Variants in TTC28 observed in about 807,000 individuals in gnomAD.
TTC28 encodes the protein tetratricopeptide repeat domain 28, also known as tetratricopeptide repeat protein 28.
TTC28 carries 61 observed loss-of-function variants against 198.0 expected under a neutral mutation model. The observed-to-expected ratio is 0.31, with a 90% CI of 0.25 to 0.38. The LOEUF is 0.38. Among genes scored for constraint, TTC28 ranks in the 10% least tolerant of loss-of-function variants. TTC28 has a pLI of 1.00. For synonymous variants in TTC28, 1,171 were observed against 1,297.8 expected (o/e 0.90, Z 2.10); for missense variants, 2,678 against 3,164.0 (o/e 0.85, Z 3.69).
rs560055821 is a variant in TTC28 at position 28,672,255 on chromosome 22, G to A, written c.102+7367C>T. Among the ~76,000 whole-genome samples the A allele has an allele frequency of 2.6e-3, 390 of 152,030 alleles. 5 individuals are homozygous for A. Among genetic ancestry groups the A allele is most frequent in the Non-Finnish European group, 1.6e-3 (109 of 67,990 alleles). ...GCCATCTCGGCTCACTGCAAGCTCC[G>A]CCTCCCGGGTTCAAGCAGTTCTCTG... On this transcript the variant is annotated intron_variant, in intron 1 of 22. Transcript: ENST00000397906.
intron 12 of TTC28, among the ~76,000 whole-genome samples, chr22:28,083,519 C>T (rs1311075505): frequency 2.0e-5 from 3 of 152,270 alleles, no homozygotes; most frequent in South Asian, 2.1e-4. Context: ...GTACTATATG[C>T]GAATTCAGCA....
At chr22:28,192,190 G>C (rs1025322019) in intron 5 of TTC28, among the ~76,000 whole-genome samples, 1 of 152,192 alleles carries the variant, frequency 6.6e-6, no homozygotes, top group Non-Finnish European at 1.5e-5. Flanking sequence ...GTCTGGAGTG[G>C]ACCTCCAGCA....
chr22:28,674,372 T>C (rs1389706231), intron 1 of TTC28, among the ~76,000 whole-genome samples: 1 of 151,744 alleles, frequency 6.6e-6, no homozygotes, highest in Non-Finnish European at 1.5e-5. Context: ...TAACTGGAAT[T>C]AATTAGCAGA....
At chr22:28,072,343 T>C (rs989311704) in intron 12 of TTC28, among the ~76,000 whole-genome samples, 1 of 152,170 alleles carries the variant, frequency 6.6e-6, no homozygotes, top group African/African-American at 2.4e-5. Context: ...AGGCCTCTTG[T>C]GTACTAGGCA....
rs143224929 is a variant in TTC28, at chr22:28,199,584, CTGTGTATGTGTATGTGTA to C, written c.934-36003_934-35986del. On this transcript the variant is annotated intron_variant, in intron 5 of 22. Coordinates refer to ENST00000397906, the MANE Select transcript of TTC28 (RefSeq NM_001145418.2). ...ACTAAATTATTTGTGTGCATGTGCACTGTGTATGTGTATGTGTATGTGTATGTGTATGTGTATGTTCAT... is the reference window on the plus strand; with the variant it reads ...ACTAAATTATTTGTGTGCATGTGCACTGTGTATGTGTATGTGTATGTTCAT... Among the ~76,000 whole-genome samples, 21 of 144,872 alleles carry C rather than the reference CTGTGTATGTGTATGTGTA, an allele frequency of 1.4e-4. No homozygotes were observed. The South Asian group carries it at 2.2e-3, about 15-fold the overall frequency.
chr22:28,301,432 T>C (rs1202856720), intron 3 of TTC28, among the ~76,000 whole-genome samples: 1 of 152,192 alleles, frequency 6.6e-6, no homozygotes, highest in South Asian at 2.1e-4. Context: ...GTTTTTGAAA[T>C]GTAAAGGCTT....
Position 28,194,286 on chromosome 22 carries a change from C to T in TTC28, c.934-30687G>A, listed in dbSNP as rs564595861. On this transcript the variant is annotated intron_variant, in intron 5 of 22. Coordinates refer to ENST00000397906, the MANE Select transcript of TTC28 (RefSeq NM_001145418.2). ...TCTCTGGGACACATTTAAAGCAGTGCGTAGAGGGAAATTTATAGCACTAAA... is the reference window on the plus strand; with the variant it reads ...TCTCTGGGACACATTTAAAGCAGTGTGTAGAGGGAAATTTATAGCACTAAA... 1.2e-4 allele frequency among the ~76,000 whole-genome samples: 18 copies of T among 152,086 alleles called. No individual in the cohort carries two copies. In the East Asian group the frequency reaches 1.4e-3, roughly 11 times the overall value.
chr22:28,326,975 AACACAC>A (rs57349023), intron 2 of TTC28, among the ~76,000 whole-genome samples: 12,676 of 142,836 alleles, frequency 0.089, 612 homozygotes, highest in South Asian at 0.16. Flanking sequence ...CACAAACACA[AACACAC>A]ACACACACAC....
intron 13 of TTC28, among the ~76,000 whole-genome samples, chr22:28,019,164 C>T (rs1000633783): frequency 2.0e-5 from 3 of 152,196 alleles, no homozygotes; most frequent in Admixed American, 6.5e-5. Flanking sequence ...AGAGCTGTGA[C>T]TCTGGCAAGG....
chr22:28,335,052 C>T (rs1188360710), intron 2 of TTC28, among the ~76,000 whole-genome samples: 4 of 152,114 alleles, frequency 2.6e-5, no homozygotes, highest in Non-Finnish European at 4.4e-5. Context: ...GGAAGGGATC[C>T]AGTTTCAGCT....
intron 2 of TTC28, among the ~76,000 whole-genome samples, chr22:28,515,224 T>C (rs2048761599): frequency 1.3e-5 from 2 of 152,184 alleles, no homozygotes; most frequent in Non-Finnish European, 2.9e-5. Context: ...TTTTTCTAAT[T>C]TAAAGTTAAA....
intron 2 of TTC28, among the ~76,000 whole-genome samples, chr22:28,387,245 G>A (rs879497260): frequency 9.2e-5 from 14 of 152,270 alleles, no homozygotes; most frequent in African/African-American, 2.2e-4. Flanking sequence ...GTCTATCATC[G>A]TTGGACATTT....
intron 12 of TTC28, among the ~76,000 whole-genome samples, chr22:28,042,713 A>G (rs571105769): frequency 6.6e-6 from 1 of 151,258 alleles, no homozygotes; most frequent in African/African-American, 2.4e-5. Context: ...TGTACCCTAG[A>G]ACTTAAATTA....
At chr22:28,214,909 T>G (rs2147188011) in intron 5 of TTC28, among the ~76,000 whole-genome samples, 1 of 152,168 alleles carries the variant, frequency 6.6e-6, no homozygotes, top group South Asian at 2.1e-4. Flanking sequence ...TAGAATGGAT[T>G]AAGAAAATGT....
At chr22:28,565,127 A>T (rs1344145032) in intron 2 of TTC28, among the ~76,000 whole-genome samples, 1 of 151,886 alleles carries the variant, frequency 6.6e-6, no homozygotes, top group Non-Finnish European at 1.5e-5. Context: ...TAGGTTAACA[A>T]CTTAATAATC....
intron 5 of TTC28, among the ~76,000 whole-genome samples, chr22:28,190,972 G>A (rs1209518500): frequency 6.6e-6 from 1 of 152,088 alleles, no homozygotes; most frequent in Non-Finnish European, 1.5e-5. Flanking sequence ...CCTTGGTTCT[G>A]AACCTTTGAT....
intron 14 of TTC28, among the ~76,000 whole-genome samples, chr22:28,012,614 C>T (rs1938205472): frequency 6.6e-6 from 1 of 152,134 alleles, no homozygotes; most frequent in Non-Finnish European, 1.5e-5. Context: ...CAGGCTTAAG[C>T]GATCCTCCTA....
At chr22:28,148,259 C>A (rs1943517817) in intron 6 of TTC28, among the ~76,000 whole-genome samples, 1 of 152,190 alleles carries the variant, frequency 6.6e-6, no homozygotes, top group African/African-American at 2.4e-5. Flanking sequence ...CTAATCACTG[C>A]CTGCTAGTTT....
At chr22:28,616,550 T>A (rs1004197246) in intron 2 of TTC28, among the ~76,000 whole-genome samples, 3 of 152,214 alleles carry the variant, frequency 2.0e-5, no homozygotes, top group African/African-American at 7.2e-5. Flanking sequence ...TTATACCTGA[T>A]GATAGAATTC....
Sources: gnomAD v4.1 joint callset for allele counts (sites outside exome capture counted in the v4.1 genomes callset) on GRCh38, gnomAD v4.1.1 for gene constraint, MANE v1.5 for transcripts, NCBI Gene and HGNC (gene_info 2026-07-23, HGNC 2026-07-21) for gene names.